The following DYDC1 variants were observed in gnomAD, a reference collection of about 807,000 sequenced individuals.
DYDC1 encodes the protein DPY30 domain containing 1.
Under a neutral mutation model 27.9 loss-of-function variants are expected in DYDC1, and 21 were observed. The ratio of observed to expected loss-of-function variants is 0.75; its 90% CI spans 0.53 to 1.08. The LOEUF (loss-of-function observed/expected upper bound fraction) is 1.08, where lower values mean the gene tolerates loss of function less well. Among genes scored for constraint, DYDC1 ranks in the 50% least tolerant of loss-of-function variants. DYDC1 has a pLI of 0.00. For missense variants in DYDC1, 202 were observed against 205.9 expected (o/e 0.98, Z 0.12); for synonymous variants, 67 against 65.8 (o/e 1.02, Z -0.09).
At chr10:80,343,553 C>T (rs189352158) in intron 3 of DYDC1, among the ~76,000 whole-genome samples, 10 of 152,048 alleles carry the variant, frequency 6.6e-5, no homozygotes, top group Admixed American at 1.3e-4. Flanking sequence ...AGGAGGATTA[C>T]TTGAAGCCAG....
intron 1 of DYDC1, 115 bp from the exon 2 acceptor site, chr10:80,352,725 ACCT>A: frequency 7.8e-7 from 1 of 1,284,232 alleles, no homozygotes; most frequent in Non-Finnish European, 9.9e-7. Flanking sequence ...AGTCATGGAC[ACCT>A]CCCATTGGGG....
chr10:80,342,796 C>T (rs1258702190), intron 3 of DYDC1, among the ~76,000 whole-genome samples: 1 of 152,010 alleles, frequency 6.6e-6, no homozygotes, highest in Non-Finnish European at 1.5e-5. Flanking sequence ...GACTGGCCAA[C>T]ATGGTGAAAC....
intron 6 of DYDC1, among the ~76,000 whole-genome samples, chr10:80,336,647 T>C (rs542653683): frequency 6.6e-6 from 1 of 152,382 alleles, no homozygotes; most frequent in East Asian, 1.9e-4. Flanking sequence ...CAGAGCCACC[T>C]GAGAGTCAAC....
chr10:80,354,890 T>C (rs537450923), intron 1 of DYDC1, among the ~76,000 whole-genome samples: 32 of 152,124 alleles, frequency 2.1e-4, no homozygotes, highest in Non-Finnish European at 3.5e-4. Flanking sequence ...GGTAATTTGC[T>C]ACAGCAGCGC....
chr10:80,340,347 A>C (rs1346302661), intron 4 of DYDC1, among the ~76,000 whole-genome samples: 1 of 152,236 alleles, frequency 6.6e-6, no homozygotes, highest in Non-Finnish European at 1.5e-5. Context: ...AAAGCACATG[A>C]GTGGACTCAT....
intron 2 of DYDC1, 40 bp downstream of exon 2, chr10:80,352,415 T>A (rs554362944): frequency 6.6e-7 from 1 of 1,523,290 alleles, no homozygotes; most frequent in South Asian, 1.3e-5. Context: ...TTGGACCAGT[T>A]TTTTTTCTTC....
chr10:80,341,558 A>C (rs1209836767), intron 4 of DYDC1, among the ~76,000 whole-genome samples: 1 of 152,098 alleles, frequency 6.6e-6, no homozygotes, highest in Non-Finnish European at 1.5e-5. Flanking sequence ...TAATACATTA[A>C]CATAAAGACA....
intron 6 of DYDC1, 35 bp downstream of exon 6, chr10:80,338,432 A>G: frequency 6.2e-7 from 1 of 1,607,798 alleles, no homozygotes; most frequent in Non-Finnish European, 8.5e-7. Flanking sequence ...ACAAAAACAA[A>G]AACGAGTTTT....
Position 80,351,941 on chromosome 10 carries a change from A to C in DYDC1, c.209T>G (p.Met70Arg). The change falls in exon 3 of 7, where the codon ATG becomes AGG. Residue 70 changes from methionine (M) to arginine (R), a missense_variant. Transcript: ENST00000372202. ...CTCCTCTGCTTTGAGCCTCTCCATC[A>C]TTTCCTGCTCCATCAGAGCTAATTC... ...ERELALMEQEMMERLKAEELL... is the reference protein window; with the variant it reads ...ERELALMEQERMERLKAEELL... The C allele has an allele frequency of 6.2e-7, 1 of 1,614,076 alleles. No individual in the cohort carries two copies. The highest frequency in any genetic ancestry group is 8.5e-7 in the Non-Finnish European group (1 of 1,180,012).
Position 80,352,001 on chromosome 10 carries a change from C to T in DYDC1, c.149G>A (p.Arg50Lys). 6.2e-7 allele frequency: 1 copy of T among 1,613,808 alleles called. No individual in the cohort carries two copies. The highest frequency in any genetic ancestry group is 8.5e-7 in the Non-Finnish European group (1 of 1,179,936). Reference sequence around the variant, plus strand: ...CTCCAGCTTGGCCATTTCCTTTTGTCTCTAGCATTGTTTAAAAACAACAGC... The same window carrying T: ...CTCCAGCTTGGCCATTTCCTTTTGTTTCTAGCATTGTTTAAAAACAACAGC... ...YKENVTMEQL[R>K]QKEMAKLERE... is the part of the protein sequence containing the mutation. The change falls in exon 3 of 7, where the codon AGA becomes AAA. Residue 50 changes from arginine (R) to lysine (K), a missense_variant and splice_region_variant. Transcript: ENST00000372202.
chr10:80,338,427 A>C, intron 6 of DYDC1, 40 bp downstream of exon 6: 1 of 1,607,306 alleles, frequency 6.2e-7, no homozygotes, highest in South Asian at 1.1e-5. Context: ...CAAAAACAAA[A>C]ACAAAAACGA....
At chr10:80,345,772 T>C (rs1842579174) in intron 3 of DYDC1, among the ~76,000 whole-genome samples, 1 of 152,200 alleles carries the variant, frequency 6.6e-6, no homozygotes, top group African/African-American at 2.4e-5. Context: ...CCTACTTCTT[T>C]CTTAAAGCTG....
chr10:80,343,787 A>T (rs140773874), intron 3 of DYDC1, among the ~76,000 whole-genome samples: 239 of 152,302 alleles, frequency 1.6e-3, no homozygotes, highest in Admixed American at 2.9e-3. Flanking sequence ...CTAAGCACTC[A>T]TCACAATAGT....
intron 3 of DYDC1, among the ~76,000 whole-genome samples, chr10:80,347,598 G>A (rs1262805461): frequency 6.6e-6 from 1 of 151,988 alleles, no homozygotes; most frequent in Non-Finnish European, 1.5e-5. Flanking sequence ...CTTCCATTTA[G>A]GTCTTTAATC....
At chr10:80,338,353 C>A in intron 6 of DYDC1, 114 bp downstream of exon 6, 1 of 1,424,198 alleles carries the variant, frequency 7.0e-7, no homozygotes. Context: ...AAGCAAAAGG[C>A]CTATTTGCCA....
rs769842677 is a variant in DYDC1 at position 80,339,048 on chromosome 10, A to C, written c.399+49T>G. 24 of 1,062,252 alleles carry C rather than the reference A, an allele frequency of 2.3e-5. No homozygotes were observed. In the East Asian group the frequency reaches 4.0e-4, roughly 18 times the overall value. 65.8% of individuals were successfully genotyped at this position (1,062,252 alleles called of 1,614,324 possible). A position where few individuals can be genotyped will look rare whatever the true frequency, so the allele number is the denominator to read the frequency against. ...GCATCAAAATTAAGCTTTACATTCT[A>C]GGATACTCAATTCATTTCACATAAC... On this transcript the variant is annotated intron_variant, in intron 5 of 6. Transcript: ENST00000372202.
At position 80,352,658 on chromosome 10, in the gene DYDC1, T is replaced by C. The variant is rs1019632142; in HGVS notation, c.-9-48A>G. Reference sequence around the variant, plus strand: ...TTACTGCAGGATATTTTCAATAAAGTCACTATAAAACTAAAGTCCAGTGAG... The same window carrying C: ...TTACTGCAGGATATTTTCAATAAAGCCACTATAAAACTAAAGTCCAGTGAG... On this transcript the variant is annotated intron_variant, in intron 1 of 6. Transcript: ENST00000372202. The C allele has an allele frequency of 5.1e-6, 8 of 1,558,862 alleles. No individual in the cohort carries two copies. The East Asian group carries it at 1.4e-4, about 27-fold the overall frequency.
At chr10:80,345,991 G>C (rs985477769) in intron 3 of DYDC1, among the ~76,000 whole-genome samples, 5 of 152,122 alleles carry the variant, frequency 3.3e-5, no homozygotes, top group Admixed American at 6.5e-5. Context: ...ACAGGTGCAT[G>C]CCATCATCAT....
At chr10:80,342,024 C>CAAAAAAAAAAAAAAAAAAAA (rs60594545) in intron 4 of DYDC1, among the ~76,000 whole-genome samples, 1 of 108,982 alleles carries the variant, frequency 9.2e-6, no homozygotes, top group South Asian at 3.0e-4. Flanking sequence ...GACTCCGTCT[C>CAAAAAAAAAAAAAAAAAAAA]AAAAAAAAAA....
Sources: gnomAD v4.1 joint callset for allele counts (sites outside exome capture counted in the v4.1 genomes callset) on GRCh38, gnomAD v4.1.1 for gene constraint, MANE v1.5 for transcripts, NCBI Gene and HGNC (gene_info 2026-07-23, HGNC 2026-07-21) for gene names.